Variants in ZNF555 observed in about 807,000 individuals in gnomAD.
The protein encoded by ZNF555 is zinc finger protein 555.
Under a neutral mutation model 14.0 loss-of-function variants are expected in ZNF555, and 10 were observed. The ratio of observed to expected loss-of-function variants is 0.72; its 90% confidence interval spans 0.44 to 1.21. The LOEUF is 1.21. Ranked by LOEUF, ZNF555 falls within the 50% of genes most tolerant of loss-of-function variation. The pLI, the probability that ZNF555 is intolerant of heterozygous loss-of-function variation, is 0.00. For synonymous variants in ZNF555, 277 were observed against 262.4 expected (o/e 1.06, Z -0.54); for missense variants, 747 against 762.0 (o/e 0.98, Z 0.23).
chr19:2,842,180 C>T (rs1227833103), intron 1 of ZNF555, among the ~76,000 whole-genome samples: 7 of 152,102 alleles, frequency 4.6e-5, no homozygotes, highest in Admixed American at 4.6e-4. Flanking sequence ...GGGGCGGAGA[C>T]GCCCCCACCT....
Position 2,853,754 on chromosome 19 carries a change from T to C in ZNF555, c.1689T>C (p.Pro563=). Residue 563 remains proline (P), a synonymous_variant, in exon 4 of 4, where the codon CCT becomes CCC. Coordinates refer to ENST00000334241, the MANE Select transcript of ZNF555 (RefSeq NM_152791.5). ...IHMRLHTGEK[P]YQCKHCGKAF... is the part of the protein sequence containing the mutation. ...TGAGACTGCACACTGGAGAGAAACCTTATCAATGTAAGCATTGTGGGAAAG... is the reference window on the plus strand; with the variant it reads ...TGAGACTGCACACTGGAGAGAAACCCTATCAATGTAAGCATTGTGGGAAAG... The C allele has an allele frequency of 6.2e-7, 1 of 1,602,892 alleles. No homozygotes were observed. Among genetic ancestry groups the C allele is most frequent in the Non-Finnish European group, 8.5e-7 (1 of 1,174,472 alleles).
rs1221061010 is a variant in ZNF555, at chr19:2,853,899, T to A, written c.1834T>A (p.Ser612Thr). The A allele has an allele frequency of 6.2e-7, 1 of 1,613,958 alleles. No homozygotes were observed. The highest frequency in any genetic ancestry group is 1.1e-5 in the South Asian group (1 of 91,084). Residue 612 changes from serine (S) to threonine (T), a missense_variant, in exon 4 of 4, where the codon TCA (serine) becomes ACA (threonine). By Grantham distance (58) the Ser-to-Thr change is moderately conservative. Coordinates refer to ENST00000334241, the MANE Select transcript of ZNF555 (RefSeq NM_152791.5). ...ATTCATGTGCAGTGCTTCAGAAAAGTCACACCAGGAGAGAGATCTGATCAA... is the reference window on the plus strand; with the variant it reads ...ATTCATGTGCAGTGCTTCAGAAAAGACACACCAGGAGAGAGATCTGATCAA... ...NEFMCSASEKSHQERDLIKVV... is the reference protein window; with the variant it reads ...NEFMCSASEKTHQERDLIKVV...
At chr19:2,849,991 T>C (rs2087615352) in intron 1 of ZNF555, among the ~76,000 whole-genome samples, 1 of 152,200 alleles carries the variant, frequency 6.6e-6, no homozygotes. Context: ...CTCGTGTCTT[T>C]TTCCTCTTTC....
rs1447181538 is a variant in ZNF555 at position 2,852,806 on chromosome 19, CAG to C, written c.743_744del (p.Arg248LysfsTer9). ...ACTTCTCAAGTCTTACTAGTCATCT[CAG>C]AAGTCACACCGGAGAGAAGCCATAT... is the stretch of plus-strand genomic sequence containing the variant. ...IDFSSLTSHLRSHTGEKPYKC... is the reference protein window; with the variant it reads ...IDFSSLTSHLXSHTGEKPYKC... On this transcript the variant is annotated frameshift_variant, in exon 4 of 4. Coordinates refer to ENST00000334241, the MANE Select transcript of ZNF555 (RefSeq NM_152791.5). LOFTEE classifies it low-confidence loss of function (END_TRUNC). The C allele has an allele frequency of 6.2e-7, 1 of 1,614,086 alleles. No homozygotes were observed. The highest frequency in any genetic ancestry group is 8.5e-7 in the Non-Finnish European group (1 of 1,179,996).
chr19:2,845,307 T>C (rs1369776882), intron 1 of ZNF555, among the ~76,000 whole-genome samples: 1 of 152,254 alleles, frequency 6.6e-6, no homozygotes, highest in Admixed American at 6.5e-5. Context: ...TCGTTCTTTT[T>C]TATGGCTGTG....
At chr19:2,851,324 A>G in intron 2 of ZNF555, 144 bp from the exon 3 acceptor site, 3 of 560,820 alleles carry the variant, frequency 5.3e-6, no homozygotes, top group Admixed American at 3.9e-5. Flanking sequence ...TAATTTTTCT[A>G]TGCTTACTAA....
intron 1 of ZNF555, among the ~76,000 whole-genome samples, chr19:2,848,439 A>G (rs1352423337): frequency 1.3e-5 from 2 of 151,306 alleles, no homozygotes; most frequent in South Asian, 4.2e-4. Flanking sequence ...GGCGTGAGCC[A>G]CCGCACCCAG....
In ZNF555 at chr19:2,850,579, T is replaced by C; in HGVS notation, c.4-8T>C. 6.2e-7 allele frequency: 1 copy of C among 1,612,452 alleles called. No individual in the cohort carries two copies. The highest frequency in any genetic ancestry group is 8.5e-7 in the Non-Finnish European group (1 of 1,179,012). ...CCATCCTCCCATAAATATGTTGAAT[T>C]GTTTTAGGACTCAGTGGTCTTTGAG... On this transcript the variant is annotated splice_polypyrimidine_tract_variant and splice_region_variant and intron_variant, in intron 1 of 3. Transcript: ENST00000334241.
At chr19:2,851,907 T>G (rs2087633348) in intron 3 of ZNF555, among the ~76,000 whole-genome samples, 1 of 152,108 alleles carries the variant, frequency 6.6e-6, no homozygotes, top group Non-Finnish European at 1.5e-5. Flanking sequence ...TCCTGGCACT[T>G]TGGAAGGCTG....
intron 1 of ZNF555, chr19:2,847,521 C>G (rs1054571507): frequency 3.3e-5 from 5 of 151,990 alleles, no homozygotes; most frequent in Non-Finnish European, 5.9e-5. Flanking sequence ...AAATTGTATG[C>G]TATATGTATT....
At chr19:2,845,600 C>T (rs2144845291) in intron 1 of ZNF555, among the ~76,000 whole-genome samples, 1 of 152,330 alleles carries the variant, frequency 6.6e-6, no homozygotes, top group East Asian at 1.9e-4. Flanking sequence ...CATTCCCTTT[C>T]ACAGCCCTGC....
intron 2 of ZNF555, among the ~76,000 whole-genome samples, chr19:2,851,199 T>C (rs1255263826): frequency 6.6e-6 from 1 of 152,100 alleles, no homozygotes; most frequent in African/African-American, 2.4e-5. Flanking sequence ...GGTTTCACCA[T>C]GTCAGCCAGG....
chr19:2,842,620 C>T (rs1290994675), intron 1 of ZNF555, among the ~76,000 whole-genome samples: 1 of 152,166 alleles, frequency 6.6e-6, no homozygotes, highest in Admixed American at 6.5e-5. Flanking sequence ...GGTGGGAGGG[C>T]GTCCGTCGTG....
intron 1 of ZNF555, among the ~76,000 whole-genome samples, chr19:2,842,725 T>C (rs1179884895): frequency 3.9e-5 from 6 of 152,136 alleles, no homozygotes; most frequent in Non-Finnish European, 7.3e-5. Flanking sequence ...GAAACGTACA[T>C]TTAATTAGTA....
At chr19:2,847,652 T>C (rs1399476163) in intron 1 of ZNF555, among the ~76,000 whole-genome samples, 1 of 151,996 alleles carries the variant, frequency 6.6e-6, no homozygotes, top group Non-Finnish European at 1.5e-5. Context: ...TGAAAAAAAT[T>C]TAAAAAAAAT....
chr19:2,851,741 A>C, intron 3 of ZNF555, 90 bp downstream of exon 3: 51 of 1,186,356 alleles, frequency 4.3e-5, no homozygotes, highest in Non-Finnish European at 5.5e-5. Flanking sequence ...CAGAAAACTC[A>C]TCCAAGCCTA....
Position 2,841,552 on chromosome 19 carries a change from G to C in ZNF555, c.-21G>C, listed in dbSNP as rs1474999018. Reference sequence around the variant, plus strand: ...CCTGTCGCGCTCACCTGCGCCGGTAGCGAAGAAATCGCCCCGGGACATGGT... The same window carrying C: ...CCTGTCGCGCTCACCTGCGCCGGTACCGAAGAAATCGCCCCGGGACATGGT... On this transcript the variant is annotated 5_prime_UTR_variant, in exon 1 of 4. Coordinates refer to ENST00000334241, the MANE Select transcript of ZNF555 (RefSeq NM_152791.5). 11 of 1,544,852 alleles carry C rather than the reference G, an allele frequency of 7.1e-6. No individual in the cohort carries two copies. In the East Asian group the frequency reaches 2.8e-4, roughly 39 times the overall value.
chr19:2,849,882 G>A (rs890323950), intron 1 of ZNF555, among the ~76,000 whole-genome samples: 26 of 152,180 alleles, frequency 1.7e-4, no homozygotes, highest in African/African-American at 5.3e-4. Context: ...CTGTGTGTAC[G>A]AGAGAGAGCC....
chr19:2,853,221 C>T lies in ZNF555; in HGVS notation c.1156C>T (p.His386Tyr). 6.2e-7 allele frequency: 1 copy of T among 1,614,126 alleles called. No homozygotes were observed. Among genetic ancestry groups the T allele is most frequent in the East Asian group, 2.2e-5 (1 of 44,876 alleles). ...TFIYPQSFRR[H>Y]ERTHGGEKPY... ...CATTTATCCCCAGTCCTTTCGAAGA[C>T]ATGAAAGGACTCATGGTGGAGAGAA... Residue 386 changes from histidine (H) to tyrosine (Y), a missense_variant, in exon 4 of 4, where the codon CAT becomes TAT. Transcript: ENST00000334241.
Sources: gnomAD v4.1 joint callset for allele counts (sites outside exome capture counted in the v4.1 genomes callset) on GRCh38, gnomAD v4.1.1 for gene constraint, MANE v1.5 for transcripts, NCBI Gene and HGNC (gene_info 2026-07-23, HGNC 2026-07-21) for gene names.